Variants in PABPC4L observed in about 807,000 individuals in gnomAD.
The protein encoded by PABPC4L is poly(A) binding protein cytoplasmic 4 like, also known as polyadenylate-binding protein 4-like.
For synonymous variants in PABPC4L, 169 were observed against 164.1 expected (o/e 1.03, Z -0.23); for missense variants, 452 against 451.4 (o/e 1.00, Z -0.01).
At chr4:133,988,554 G>C in the PABPC4L span, among the ~76,000 whole-genome samples, 1 of 152,196 alleles carries the variant, frequency 6.6e-6, no homozygotes, top group Admixed American at 6.5e-5. Context: ...TGATGCAAGA[G>C]GTGGGCTTCC....
the PABPC4L span, among the ~76,000 whole-genome samples, chr4:134,022,943 G>T: frequency 5.3e-5 from 8 of 151,556 alleles, no homozygotes; most frequent in Non-Finnish European, 4.4e-5. Context: ...TTAATATCAG[G>T]ATTAATTAAT....
the PABPC4L span, among the ~76,000 whole-genome samples, chr4:134,014,004 C>A: frequency 7.7e-3 from 1,174 of 152,178 alleles, 50 homozygotes; most frequent in East Asian, 0.1. Context: ...AAGGCATAGT[C>A]AAGGTTAATG....
At chr4:134,183,969 G>A in the PABPC4L span, among the ~76,000 whole-genome samples, 3 of 151,536 alleles carry the variant, frequency 2.0e-5, no homozygotes, top group Non-Finnish European at 4.4e-5. Flanking sequence ...GAGTGCGATT[G>A]TAGAACTTAA....
At chr4:134,149,404 T>A in the PABPC4L span, among the ~76,000 whole-genome samples, 1 of 152,162 alleles carries the variant, frequency 6.6e-6, no homozygotes, top group African/African-American at 2.4e-5. Context: ...ACGGCATGTG[T>A]CTAGCACATT....
At chr4:134,179,202 CA>C in the PABPC4L span, among the ~76,000 whole-genome samples, 1 of 151,882 alleles carries the variant, frequency 6.6e-6, no homozygotes, top group Non-Finnish European at 1.5e-5. Flanking sequence ...GCAGACCTGT[CA>C]ACAGAAACTC....
the PABPC4L span, among the ~76,000 whole-genome samples, chr4:134,002,740 G>T: frequency 6.6e-6 from 1 of 152,066 alleles, no homozygotes; most frequent in African/African-American, 2.4e-5. Flanking sequence ...GGCAGGCAAA[G>T]AATTATTAGT....
At chr4:134,182,702 C>T in the PABPC4L span, among the ~76,000 whole-genome samples, 155 of 151,854 alleles carry the variant, frequency 1.0e-3, 1 homozygote, top group Non-Finnish European at 1.6e-3. Context: ...TTGCAAACTA[C>T]TAATCCAACA....
the PABPC4L span, among the ~76,000 whole-genome samples, chr4:134,183,726 T>A: frequency 5.3e-5 from 8 of 151,990 alleles, no homozygotes; most frequent in Admixed American, 2.0e-4. Context: ...ATATCATGCA[T>A]CTAAGAATAA....
At chr4:133,961,725 C>T in the PABPC4L span, among the ~76,000 whole-genome samples, 14 of 152,054 alleles carry the variant, frequency 9.2e-5, no homozygotes, top group Non-Finnish European at 2.1e-4. Context: ...TCCACCACTG[C>T]TGTTTGCTGC....
chr4:133,961,972 C>A, the PABPC4L span, among the ~76,000 whole-genome samples: 1 of 152,158 alleles, frequency 6.6e-6, no homozygotes, highest in Non-Finnish European at 1.5e-5. Context: ...CCCCAGGTCA[C>A]AGAACAAGGG....
At chr4:134,066,367 G>A in the PABPC4L span, among the ~76,000 whole-genome samples, 3 of 151,986 alleles carry the variant, frequency 2.0e-5, no homozygotes, top group African/African-American at 7.2e-5. Flanking sequence ...ATAAAGAAAT[G>A]CTACTGATTT....
At chr4:134,143,421 C>A in the PABPC4L span, among the ~76,000 whole-genome samples, 47 of 149,456 alleles carry the variant, frequency 3.1e-4, no homozygotes, top group African/African-American at 1.1e-3. Flanking sequence ...ATATTATATT[C>A]TTGTTTAAAT....
chr4:134,085,247 CTT>C, the PABPC4L span, among the ~76,000 whole-genome samples: 1 of 151,970 alleles, frequency 6.6e-6, no homozygotes, highest in African/African-American at 2.4e-5. Context: ...TTTTCATAAA[CTT>C]TTATAAATTT....
the PABPC4L span, among the ~76,000 whole-genome samples, chr4:134,185,059 C>A: frequency 4.6e-5 from 7 of 151,942 alleles, no homozygotes; most frequent in African/African-American, 1.7e-4. Context: ...TTTCTATATT[C>A]TGGATAATAA....
At chr4:133,972,157 G>C in the PABPC4L span, among the ~76,000 whole-genome samples, 1 of 152,092 alleles carries the variant, frequency 6.6e-6, no homozygotes. Context: ...GATCCAGATG[G>C]AGCTCCTTAT....
chr4:133,975,508 G>T, the PABPC4L span, among the ~76,000 whole-genome samples: 1 of 152,034 alleles, frequency 6.6e-6, no homozygotes, highest in Admixed American at 6.6e-5. Flanking sequence ...CAATAAATTT[G>T]CTATAATAAA....
Position 134,200,021 on chromosome 4 carries a change from C to T in PABPC4L, c.999G>A (p.Gly333=). 1 of 1,551,668 alleles carries T rather than the reference C, an allele frequency of 6.4e-7. No individual in the cohort carries two copies. Among genetic ancestry groups the T allele is most frequent in the East Asian group, 2.4e-5 (1 of 40,924 alleles). The change falls in exon 2 of 2, where the codon GGG becomes GGA. Residue 333 remains glycine (G), a synonymous_variant. Coordinates refer to ENST00000421491, the MANE Select transcript of PABPC4L (RefSeq NM_001114734.2). ...GAGAGGAGAAGCAGATCAAGCCAAA[C>T]CCTTTGCTCTGCCCCTCTTCCTGCA... ...KVMQEEGQSK[G]FGLICFSSPE... is the part of the protein sequence containing the mutation.
the PABPC4L span, among the ~76,000 whole-genome samples, chr4:133,988,162 C>T: frequency 6.6e-6 from 1 of 152,172 alleles, no homozygotes; most frequent in African/African-American, 2.4e-5. Context: ...GGTGGAGACA[C>T]AGCCAAACCA....
the PABPC4L span, among the ~76,000 whole-genome samples, chr4:134,067,644 A>C: frequency 6.6e-6 from 1 of 151,774 alleles, no homozygotes; most frequent in Non-Finnish European, 1.5e-5. Context: ...GGTCTTTCTG[A>C]CTTTTTGATG....
Sources: allele counts gnomAD v4.1 joint callset (sites outside exome capture counted in the v4.1 genomes callset), GRCh38; gene constraint gnomAD v4.1.1; transcripts MANE v1.5; gene names NCBI Gene and HGNC (gene_info 2026-07-23, HGNC 2026-07-21).